The following PRKG1 variants were observed in gnomAD, a reference collection of about 807,000 sequenced individuals.
PRKG1 encodes cGMP-dependent protein kinase 1.
PRKG1 carries 35 observed loss-of-function variants against 88.1 expected under a neutral mutation model. The observed-to-expected ratio is 0.40, with a 90% confidence interval of 0.30 to 0.53. PRKG1 has a LOEUF of 0.53. Ranked by LOEUF, PRKG1 falls within the 20% of genes least tolerant of loss-of-function variation. PRKG1 has a pLI of 0.59. For synonymous variants in PRKG1, 303 were observed against 292.5 expected (o/e 1.04, Z -0.37); for missense variants, 540 against 839.8 (o/e 0.64, Z 4.41).
intron 5 of PRKG1, among the ~76,000 whole-genome samples, chr10:52,028,197 G>A (rs10823978): frequency 0.22 from 34,132 of 151,916 alleles, 4,315 homozygotes; most frequent in Admixed American, 0.31. Context: ...CACCCAGGTC[G>A]AACAGACTAT....
chr10:51,775,685 A>C (rs1838415921), intron 3 of PRKG1, among the ~76,000 whole-genome samples: 1 of 151,932 alleles, frequency 6.6e-6, no homozygotes, highest in African/African-American at 2.4e-5. Flanking sequence ...CCCAGGTTCA[A>C]GCGATTCTCC....
At chr10:51,319,436 A>G (rs7907496) in intron 2 of PRKG1, among the ~76,000 whole-genome samples, 45,393 of 152,104 alleles carry the variant, frequency 0.3, 8,360 homozygotes, top group African/African-American at 0.53. Flanking sequence ...GTTTGTAGTG[A>G]CCTTTGTTTG....
intron 9 of PRKG1, among the ~76,000 whole-genome samples, chr10:52,241,682 C>T (rs1387436792): frequency 1.3e-5 from 2 of 152,092 alleles, no homozygotes; most frequent in Non-Finnish European, 2.9e-5. Flanking sequence ...AAGGTGCAGC[C>T]TGGATTCTTA....
chr10:51,209,519 C>CT (rs1253125028), intron 2 of PRKG1, among the ~76,000 whole-genome samples: 1 of 152,088 alleles, frequency 6.6e-6, no homozygotes, highest in African/African-American at 2.4e-5. Flanking sequence ...GTTGATTGTC[C>CT]TATTTTCTTT....
At chr10:51,930,418 A>T (rs946269913) in intron 5 of PRKG1, among the ~76,000 whole-genome samples, 1 of 150,908 alleles carries the variant, frequency 6.6e-6, no homozygotes, top group Non-Finnish European at 1.5e-5. Flanking sequence ...ACCACAGTAC[A>T]ATTAATTAGA....
At chr10:52,007,013 G>A (rs1184358480) in intron 5 of PRKG1, among the ~76,000 whole-genome samples, 2 of 152,064 alleles carry the variant, frequency 1.3e-5, no homozygotes, top group Admixed American at 6.6e-5. Flanking sequence ...GGAATTCCAT[G>A]TCCAACCAAA....
intron 5 of PRKG1, among the ~76,000 whole-genome samples, chr10:51,980,015 C>T (rs909980725): frequency 5.3e-5 from 8 of 152,044 alleles, no homozygotes; most frequent in Non-Finnish European, 1.2e-4. Context: ...TTCTTGTCTT[C>T]TGCTGGCTTT....
intron 2 of PRKG1, among the ~76,000 whole-genome samples, chr10:51,392,283 C>T (rs1168149919): frequency 6.6e-6 from 1 of 151,914 alleles, no homozygotes; most frequent in Non-Finnish European, 1.5e-5. Flanking sequence ...CTGCGGCCTT[C>T]CGCAGTGTTT....
chr10:51,699,551 A>T, intron 3 of PRKG1: 4 of 1,606,838 alleles, frequency 2.5e-6, no homozygotes, highest in Non-Finnish European at 3.4e-6. Flanking sequence ...ACTCGACATG[A>T]TTCCGGTTGT....
chr10:52,178,601 G>A (rs1274269750), intron 9 of PRKG1, among the ~76,000 whole-genome samples: 9 of 151,986 alleles, frequency 5.9e-5, no homozygotes, highest in Admixed American at 4.6e-4. Context: ...TGGGATGGAT[G>A]TTGAAGTTTC....
chr10:52,084,944 G>A (rs1412050374), intron 7 of PRKG1, among the ~76,000 whole-genome samples: 1 of 151,926 alleles, frequency 6.6e-6, no homozygotes, highest in African/African-American at 2.4e-5. Flanking sequence ...GGACCACAGA[G>A]AAGTTATTTA....
chr10:51,959,718 T>C lies in PRKG1; in HGVS notation c.762+52148T>C, dbSNP rs1843399406. On this transcript the variant is annotated intron_variant, in intron 5 of 17. Coordinates refer to ENST00000373980, the MANE Select transcript of PRKG1 (RefSeq NM_006258.4). Reference sequence around the variant, plus strand: ...AAAATTTGTTGGGCTCAGTGACTGATGAAATGTCAGAGGTGAAGGAGATTG... The same window carrying C: ...AAAATTTGTTGGGCTCAGTGACTGACGAAATGTCAGAGGTGAAGGAGATTG... 2.0e-5 allele frequency among the ~76,000 whole-genome samples: 3 copies of C among 152,062 alleles called. No individual in the cohort carries two copies. In the South Asian group the frequency reaches 6.2e-4, roughly 32 times the overall value.
At chr10:51,739,698 C>A (rs531275977) in intron 3 of PRKG1, among the ~76,000 whole-genome samples, 1 of 151,966 alleles carries the variant, frequency 6.6e-6, no homozygotes, top group African/African-American at 2.4e-5. Flanking sequence ...CTAGGCCAGG[C>A]GTGGTGGCTC....
intron 1 of PRKG1, among the ~76,000 whole-genome samples, chr10:51,032,923 CAG>C (rs1843303493): frequency 6.6e-6 from 1 of 151,876 alleles, no homozygotes; most frequent in African/African-American, 2.4e-5. Flanking sequence ...TGTTTTGATA[CAG>C]GTATGCAATG....
intron 2 of PRKG1, among the ~76,000 whole-genome samples, chr10:51,377,812 G>T (rs1247927081): frequency 6.6e-6 from 1 of 152,216 alleles, no homozygotes; most frequent in Non-Finnish European, 1.5e-5. Flanking sequence ...TGCCACCTGT[G>T]CTTCATTGCC....
intron 3 of PRKG1, among the ~76,000 whole-genome samples, chr10:51,670,281 A>G (rs113061246): frequency 3.7e-4 from 57 of 152,080 alleles, no homozygotes; most frequent in African/African-American, 1.3e-3. Flanking sequence ...TTTTTCTTAG[A>G]ACTGTTATGT....
At chr10:51,746,472 A>C (rs1260361510) in intron 3 of PRKG1, among the ~76,000 whole-genome samples, 2 of 152,034 alleles carry the variant, frequency 1.3e-5, no homozygotes. Context: ...CTGTAACCTT[A>C]GCACTTTGGG....
In PRKG1 at chr10:51,048,669, C is replaced by T. The variant is rs10995491; in HGVS notation, c.266+57025C>T. On this transcript the variant is annotated intron_variant, in intron 1 of 17. Coordinates refer to the PRKG1 transcript ENST00000401604. ...AGTCTTTGGTTCAAGAGACTAAAAGCATTAGTATTCAATTAGACATAAGTC... is the reference window on the plus strand; with the variant it reads ...AGTCTTTGGTTCAAGAGACTAAAAGTATTAGTATTCAATTAGACATAAGTC... Among the ~76,000 whole-genome samples the T allele has an allele frequency of 3.7e-4, 57 of 152,260 alleles. No individual in the cohort carries two copies. In the East Asian group the frequency reaches 8.5e-3, roughly 23 times the overall value.
chr10:51,153,306 G>A lies in PRKG1; in HGVS notation c.454G>A (p.Gly152Arg). 1 of 1,610,936 alleles carries A rather than the reference G, an allele frequency of 6.2e-7. No homozygotes were observed. Among genetic ancestry groups the A allele is most frequent in the Non-Finnish European group, 8.5e-7 (1 of 1,178,114 alleles). The change falls in exon 2 of 18, where the codon GGG becomes AGG. Residue 152 changes from glycine to arginine, a missense_variant. Physicochemically the swap from Gly to Arg is moderately radical, Grantham distance 125. Coordinates refer to ENST00000373980, the MANE Select transcript of PRKG1 (RefSeq NM_006258.4). ...TTGCATCATCAAAGAAGGAGACGTGGGGTCACTGGTGTATGTCATGGAAGG... is the reference window on the plus strand; with the variant it reads ...TTGCATCATCAAAGAAGGAGACGTGAGGTCACTGGTGTATGTCATGGAAGG... Reference protein sequence around the residue: ...DSCIIKEGDVGSLVYVMEDGK... With the variant: ...DSCIIKEGDVRSLVYVMEDGK...
Sources: allele counts gnomAD v4.1 joint callset (sites outside exome capture counted in the v4.1 genomes callset), GRCh38; gene constraint gnomAD v4.1.1; transcripts MANE v1.5; gene names NCBI Gene and HGNC (gene_info 2026-07-23, HGNC 2026-07-21).